The following GPM6A variants were observed in gnomAD, a reference collection of about 807,000 sequenced individuals.
GPM6A encodes glycoprotein M6A, also known as neuronal membrane glycoprotein M6-a.
A neutral mutation model predicts 32.1 loss-of-function variants in GPM6A; 7 were observed. The ratio of observed to expected loss-of-function variants is 0.22; its 90% CI spans 0.12 to 0.41. The LOEUF is 0.41. GPM6A is among the 10% of genes least tolerant of loss of function. The probability of loss-of-function intolerance (pLI) is 1.00; values close to 1 mark genes in which losing one functional copy is unlikely to be tolerated. For synonymous variants in GPM6A, 130 were observed against 123.4 expected (o/e 1.05, Z -0.35); for missense variants, 235 against 347.2 (o/e 0.68, Z 2.57).
intron 1 of GPM6A, among the ~76,000 whole-genome samples, chr4:175,898,429 GTACATCTTTTA>G (rs1344480923): frequency 1.3e-5 from 2 of 152,054 alleles, no homozygotes; most frequent in Non-Finnish European, 2.9e-5. Flanking sequence ...TTTGTTTATG[GTACATCTTTTA>G]TGGAAACATT....
rs112453514 is a variant in GPM6A at position 175,818,796 on chromosome 4, C to A, written c.-22-6547G>T. On this transcript the variant is annotated intron_variant, in intron 1 of 7. Transcript: ENST00000280187. ...AATGTCATTCCCCAGCAGTTGAAGG[C>A]AAAACGATAATGAGATATTTCAAAG... is the stretch of plus-strand genomic sequence containing the variant. Among the ~76,000 whole-genome samples, 435 of 152,180 alleles carry A rather than the reference C, an allele frequency of 2.9e-3. 1 individual carries two copies. Among genetic ancestry groups the A allele is most frequent in the African/African-American group, 9.9e-3 (413 of 41,526 alleles).
intron 1 of GPM6A, among the ~76,000 whole-genome samples, chr4:175,805,462 G>A (rs1012966325): frequency 4.6e-5 from 7 of 152,194 alleles, no homozygotes; most frequent in Admixed American, 4.6e-4. Flanking sequence ...CCAAGAAAAA[G>A]CATGACCATC....
At chr4:175,990,647 T>C (rs1007534137) in intron 1 of GPM6A, among the ~76,000 whole-genome samples, 1 of 151,676 alleles carries the variant, frequency 6.6e-6, no homozygotes, top group Non-Finnish European at 1.5e-5. Flanking sequence ...GAAGTAGTTT[T>C]TTTTTTTTTT....
intron 5 of GPM6A, 147 bp from the exon 6 acceptor site, chr4:175,640,341 A>G: frequency 1.5e-6 from 1 of 649,476 alleles, no homozygotes; most frequent in East Asian, 2.7e-5. Flanking sequence ...AAAACAGATT[A>G]TTACAATATA....
At chr4:175,686,893 G>T (rs970443876) in intron 2 of GPM6A, among the ~76,000 whole-genome samples, 21 of 152,330 alleles carry the variant, frequency 1.4e-4, no homozygotes, top group African/African-American at 4.6e-4. Context: ...TGACACACAA[G>T]TTGCTAGAGT....
chr4:175,928,730 T>C (rs189368849), intron 1 of GPM6A, among the ~76,000 whole-genome samples: 5 of 152,348 alleles, frequency 3.3e-5, no homozygotes, highest in Admixed American at 3.3e-4. Context: ...GTTTAGATTA[T>C]AATATGCAAA....
chr4:175,854,986 A>G (rs1579569954), intron 1 of GPM6A, among the ~76,000 whole-genome samples: 2 of 152,226 alleles, frequency 1.3e-5, no homozygotes, highest in African/African-American at 4.8e-5. Context: ...CATTGAGAAG[A>G]GTTTTGCCTC....
chr4:175,892,312 C>T (rs1417689115), intron 1 of GPM6A, among the ~76,000 whole-genome samples: 1 of 152,142 alleles, frequency 6.6e-6, no homozygotes, highest in Admixed American at 6.5e-5. Flanking sequence ...GAAAAACAAT[C>T]TGCTACTTAT....
At position 175,990,739 on chromosome 4, in the gene GPM6A, A is replaced by C. The variant is rs571704651; in HGVS notation, c.-23+11570T>G. Among the ~76,000 whole-genome samples, 14 of 152,070 alleles carry C rather than the reference A, an allele frequency of 9.2e-5. No homozygotes were observed. The East Asian group carries it at 2.7e-3, about 29-fold the overall frequency. ...TAAGATGATATAATGAGATATGTGA[A>C]TTATCATTGGAATTTTTAAATATTT... is the stretch of plus-strand genomic sequence containing the variant. On this transcript the variant is annotated intron_variant, in intron 1 of 7. Coordinates refer to the GPM6A transcript ENST00000280187.
chr4:175,800,473 A>G (rs1422957365), intron 1 of GPM6A, among the ~76,000 whole-genome samples: 2 of 152,210 alleles, frequency 1.3e-5, no homozygotes, highest in Non-Finnish European at 2.9e-5. Context: ...AATCTGTCCT[A>G]TAGTAAGATC....
intron 1 of GPM6A, among the ~76,000 whole-genome samples, chr4:175,955,026 T>C (rs1326516780): frequency 6.6e-6 from 1 of 152,226 alleles, no homozygotes; most frequent in Non-Finnish European, 1.5e-5. Context: ...ACAAATTCCA[T>C]GATTTTTCGT....
At chr4:175,888,884 G>C (rs1737545146) in intron 1 of GPM6A, among the ~76,000 whole-genome samples, 1 of 152,088 alleles carries the variant, frequency 6.6e-6, no homozygotes, top group African/African-American at 2.4e-5. Flanking sequence ...AGCTAAGTCA[G>C]CTTTGACCAA....
At chr4:175,926,517 T>C (rs1485481793) in intron 1 of GPM6A, among the ~76,000 whole-genome samples, 1 of 152,304 alleles carries the variant, frequency 6.6e-6, no homozygotes, top group Middle Eastern at 3.4e-3. Flanking sequence ...TACAATTACA[T>C]GGTGTTGAAA....
chr4:175,742,659 T>G (rs1731934888), intron 1 of GPM6A, among the ~76,000 whole-genome samples: 1 of 152,112 alleles, frequency 6.6e-6, no homozygotes, highest in Non-Finnish European at 1.5e-5. Flanking sequence ...TAGAATAAAT[T>G]TCCTGCAGAA....
chr4:175,825,817 T>C (rs1437185351), intron 1 of GPM6A, among the ~76,000 whole-genome samples: 1 of 152,148 alleles, frequency 6.6e-6, no homozygotes, highest in African/African-American at 2.4e-5. Flanking sequence ...TTTTATGTGG[T>C]ACAACACAAC....
At chr4:175,970,641 T>C (rs974762389) in intron 1 of GPM6A, among the ~76,000 whole-genome samples, 10 of 152,116 alleles carry the variant, frequency 6.6e-5, no homozygotes, top group African/African-American at 2.4e-4. Context: ...TGCAGGGTTG[T>C]GAAGCTTAAC....
chr4:175,729,757 T>TATATATTATCTATTATATTATTTATA (rs1560900603), intron 1 of GPM6A, among the ~76,000 whole-genome samples: 10 of 145,212 alleles, frequency 6.9e-5, no homozygotes, highest in Non-Finnish European at 1.2e-4. Flanking sequence ...TAATATATAG[T>TATATATTATCTATTATATTATTTATA]ATATATTATC....
intron 1 of GPM6A, among the ~76,000 whole-genome samples, chr4:175,771,558 A>G (rs1227606931): frequency 6.6e-6 from 1 of 151,640 alleles, no homozygotes; most frequent in African/African-American, 2.4e-5. Flanking sequence ...TCTCAAAAAA[A>G]AAAAAAAAAA....
At chr4:175,640,049 A>T in intron 6 of GPM6A, 80 bp downstream of exon 6, 1 of 1,118,468 alleles carries the variant, frequency 8.9e-7, no homozygotes, top group Non-Finnish European at 1.4e-6. Context: ...TTCAAACTTT[A>T]GAGATAGTTT....
Sources: gnomAD v4.1 joint callset for allele counts (sites outside exome capture counted in the v4.1 genomes callset) on GRCh38, gnomAD v4.1.1 for gene constraint, MANE v1.5 for transcripts, NCBI Gene and HGNC (gene_info 2026-07-23, HGNC 2026-07-21) for gene names.